SUCLG2: variants seen among roughly 807,000 people sequenced by gnomAD.
SUCLG2 encodes the protein succinate-CoA ligase GDP-forming subunit beta.
In SUCLG2, 42 loss-of-function variants were observed where a neutral mutation model predicts 47.9. The observed-to-expected ratio is 0.88, with a 90% CI of 0.69 to 1.14. The LOEUF is 1.14. Ranked by LOEUF, SUCLG2 falls within the 50% of genes most tolerant of loss-of-function variation. The pLI, the probability that SUCLG2 is intolerant of heterozygous loss-of-function variation, is 0.00. For missense variants in SUCLG2, 571 were observed against 525.9 expected (o/e 1.09, Z -0.84); for synonymous variants, 195 against 197.3 (o/e 0.99, Z 0.10).
At chr3:67,439,079 CA>C (rs1703694329) in intron 9 of SUCLG2, among the ~76,000 whole-genome samples, 1 of 152,168 alleles carries the variant, frequency 6.6e-6, no homozygotes, top group African/African-American at 2.4e-5. Flanking sequence ...AAGGCTGGTT[CA>C]ACATACACAA....
intron 9 of SUCLG2, among the ~76,000 whole-genome samples, chr3:67,453,638 A>G (rs938613908): frequency 7.9e-5 from 12 of 152,232 alleles, no homozygotes; most frequent in Non-Finnish European, 1.3e-4. Flanking sequence ...ATGAATATAT[A>G]TATGTATTGC....
chr3:67,394,178 C>G (rs1702466492), intron 10 of SUCLG2, among the ~76,000 whole-genome samples: 1 of 152,152 alleles, frequency 6.6e-6, no homozygotes, highest in Admixed American at 6.5e-5. Context: ...CGGAGAATGA[C>G]TTTGACGAGT....
intron 9 of SUCLG2, among the ~76,000 whole-genome samples, chr3:67,444,007 A>G (rs1575700053): frequency 3.0e-5 from 3 of 101,200 alleles, no homozygotes; most frequent in African/African-American, 7.1e-5. Flanking sequence ...TCCGGGAGGG[A>G]GGTGGGGGGG....
chr3:67,447,510 A>G (rs1703954773), intron 9 of SUCLG2, among the ~76,000 whole-genome samples: 1 of 152,172 alleles, frequency 6.6e-6, no homozygotes. Context: ...GAAATGGAAA[A>G]ATGTGTGTCA....
downstream of SUCLG2, among the ~76,000 whole-genome samples, chr3:67,373,269 T>TC (rs1701977007): frequency 6.6e-6 from 1 of 151,898 alleles, no homozygotes; most frequent in Non-Finnish European, 1.5e-5. Context: ...ATGACATTTT[T>TC]TTTTTCCTCA....
At chr3:67,537,646 A>C (rs1251540688) in intron 2 of SUCLG2, among the ~76,000 whole-genome samples, 1 of 152,106 alleles carries the variant, frequency 6.6e-6, no homozygotes, top group African/African-American at 2.4e-5. Context: ...GAATCGCCAC[A>C]CTCTCTTCTA....
At chr3:67,632,406 T>C (rs773374647) in intron 1 of SUCLG2, among the ~76,000 whole-genome samples, 19 of 152,088 alleles carry the variant, frequency 1.2e-4, no homozygotes, top group Non-Finnish European at 2.4e-4. Flanking sequence ...TGGTCTTGAA[T>C]GGGTGACCTC....
At chr3:67,430,665 T>C (rs1489169364) in intron 9 of SUCLG2, among the ~76,000 whole-genome samples, 2 of 152,094 alleles carry the variant, frequency 1.3e-5, no homozygotes, top group Non-Finnish European at 2.9e-5. Context: ...ATCCAGGAGT[T>C]GGTTTTTTGA....
intron 7 of SUCLG2, among the ~76,000 whole-genome samples, chr3:67,500,211 T>C (rs1705459308): frequency 6.6e-6 from 1 of 152,150 alleles, no homozygotes; most frequent in Non-Finnish European, 1.5e-5. Flanking sequence ...TATACTTGCT[T>C]CTTATGAAAA....
At chr3:67,545,447 G>A (rs1237828743) in intron 2 of SUCLG2, among the ~76,000 whole-genome samples, 1 of 152,142 alleles carries the variant, frequency 6.6e-6, no homozygotes, top group East Asian at 1.9e-4. Flanking sequence ...CTTTCAAATT[G>A]CACTGAGTTT....
At chr3:67,391,204 G>A (rs141301104) in intron 10 of SUCLG2, among the ~76,000 whole-genome samples, 1 of 152,260 alleles carries the variant, frequency 6.6e-6, no homozygotes, top group East Asian at 1.9e-4. Context: ...TTTCTCTAAA[G>A]TTGTTGTGAA....
chr3:67,644,345 T>C (rs1264834951), intron 1 of SUCLG2, among the ~76,000 whole-genome samples: 4 of 152,216 alleles, frequency 2.6e-5, no homozygotes, highest in Non-Finnish European at 5.9e-5. Flanking sequence ...AGATGAACTT[T>C]GAAGACATTA....
At chr3:67,638,138 T>C (rs762897863) in intron 1 of SUCLG2, among the ~76,000 whole-genome samples, 3 of 152,220 alleles carry the variant, frequency 2.0e-5, no homozygotes, top group Non-Finnish European at 2.9e-5. Flanking sequence ...TCAGACTCTA[T>C]TATTTACAAG....
intron 9 of SUCLG2, among the ~76,000 whole-genome samples, chr3:67,438,972 A>C (rs989490548): frequency 6.6e-5 from 10 of 152,130 alleles, no homozygotes; most frequent in African/African-American, 2.4e-4. Flanking sequence ...GATGAACATC[A>C]ATCCAAATAT....
intron 10 of SUCLG2, among the ~76,000 whole-genome samples, chr3:67,384,678 T>C (rs1157385150): frequency 2.6e-5 from 4 of 152,226 alleles, no homozygotes; most frequent in Admixed American, 2.0e-4. Context: ...AGCAGCTATA[T>C]ATCTAGGAGA....
chr3:67,609,262 A>G (rs1700484085), intron 2 of SUCLG2, among the ~76,000 whole-genome samples, 193 bp downstream of exon 2: 1 of 41,904 alleles, frequency 2.4e-5, no homozygotes, highest in South Asian at 4.4e-4. Flanking sequence ...TGCAGTCACC[A>G]TGTGATTCCT....
intron 2 of SUCLG2, among the ~76,000 whole-genome samples, chr3:67,574,293 T>C (rs1020928429): frequency 7.2e-5 from 11 of 152,208 alleles, no homozygotes; most frequent in Non-Finnish European, 4.4e-5. Context: ...GCCACATAAA[T>C]AACATATTCA....
At chr3:67,395,841 C>G (rs1339333033) in intron 10 of SUCLG2, among the ~76,000 whole-genome samples, 3 of 152,164 alleles carry the variant, frequency 2.0e-5, no homozygotes, top group Non-Finnish European at 4.4e-5. Context: ...ACAGTGCAAT[C>G]AAACTAGAAC....
chr3:67,496,352 T>C (rs1054521150), intron 8 of SUCLG2, among the ~76,000 whole-genome samples: 1 of 152,204 alleles, frequency 6.6e-6, no homozygotes, highest in Non-Finnish European at 1.5e-5. Context: ...ACATTCTTTT[T>C]AATATACTTT....
Sources: allele counts gnomAD v4.1 joint callset (sites outside exome capture counted in the v4.1 genomes callset), GRCh38; gene constraint gnomAD v4.1.1; transcripts MANE v1.5; gene names NCBI Gene and HGNC (gene_info 2026-07-23, HGNC 2026-07-21).